CSMD1: variants seen among roughly 807,000 people sequenced by gnomAD.
The protein encoded by CSMD1 is CUB and Sushi multiple domains 1, also known as CUB and sushi domain-containing protein 1.
Under a neutral mutation model 417.5 loss-of-function variants are expected in CSMD1, and 213 were observed. The observed-to-expected ratio is 0.51, with a 90% CI of 0.46 to 0.57. The LOEUF is 0.57. Among genes scored for constraint, CSMD1 ranks in the 20% least tolerant of loss-of-function variants. The pLI is 0.00. For synonymous variants in CSMD1, 2,862 were observed against 1,736.8 expected, an observed-to-expected ratio of 1.65 and a Z score of -16.11; for missense variants, 6,923 against 4,529.7, an observed-to-expected ratio of 1.53 and a Z score of -15.17.
intron 1 of CSMD1, among the ~76,000 whole-genome samples, chr8:4,649,273 G>C (rs1174537628): frequency 1.3e-5 from 2 of 152,216 alleles, no homozygotes; most frequent in Admixed American, 6.5e-5. Flanking sequence ...GGGAGCTGGA[G>C]TGACTATTGT....
intron 1 of CSMD1, among the ~76,000 whole-genome samples, chr8:4,755,095 G>T (rs951919876): frequency 6.6e-6 from 1 of 150,840 alleles, no homozygotes; most frequent in Non-Finnish European, 1.5e-5. Context: ...CCGATATGGT[G>T]CCACTGCACT....
Position 3,387,616 on chromosome 8 carries a change from C to G in CSMD1, c.2660G>C (p.Gly887Ala), listed in dbSNP as rs1386296500. The G allele has an allele frequency of 6.2e-7, 1 of 1,601,378 alleles. No homozygotes were observed. The change falls in exon 18 of 70, where the codon GGA (glycine) becomes GCA (alanine). Residue 887 changes from glycine to alanine, a missense_variant. Gly to Ala is a moderately conservative substitution (Grantham distance 60). Transcript: ENST00000635120. ...GIPVNGHRHG[G>A]DFGIRSTVTF... ...CACTGTGGACCTGATGCCAAAGTCT[C>G]CACCGTGGCGATGGCCGTTCACAGG...
intron 5 of CSMD1, among the ~76,000 whole-genome samples, chr8:3,947,768 T>C (rs1014524607): frequency 7.0e-4 from 106 of 152,222 alleles, no homozygotes; most frequent in African/African-American, 2.5e-3. Context: ...CCATGTGCGG[T>C]TGAAAGGACT....
At chr8:3,341,263 A>C (rs1352937966) in intron 23 of CSMD1, among the ~76,000 whole-genome samples, 1 of 152,200 alleles carries the variant, frequency 6.6e-6, no homozygotes, top group African/African-American at 2.4e-5. Flanking sequence ...GCTCTGGAGC[A>C]CATGGACCTT....
chr8:3,291,112 T>A lies in CSMD1; in HGVS notation c.3951-6766A>T, dbSNP rs186585906. On this transcript the variant is annotated intron_variant, in intron 25 of 69. Coordinates refer to ENST00000635120, the MANE Select transcript of CSMD1 (RefSeq NM_033225.6). The stretch of plus-strand genomic sequence containing the variant: ...TGGTTTTTGTCGTTGGTTCTGTTTA[T>A]ATGCTAGATTACATTTATTGATTTT... Among the ~76,000 whole-genome samples the A allele has an allele frequency of 1.4e-3, 206 of 152,336 alleles. 1 individual carries two copies. The highest frequency in any genetic ancestry group is 4.3e-3 in the African/African-American group (179 of 41,586).
At chr8:2,995,672 G>GA (rs1585113865) in intron 54 of CSMD1, among the ~76,000 whole-genome samples, 2 of 152,028 alleles carry the variant, frequency 1.3e-5, no homozygotes, top group East Asian at 1.9e-4. Flanking sequence ...GGTAAATGGT[G>GA]AAAAAAACTG....
intron 4 of CSMD1, among the ~76,000 whole-genome samples, chr8:4,001,969 G>A (rs535250413): frequency 7.2e-5 from 11 of 152,058 alleles, no homozygotes; most frequent in South Asian, 4.2e-4. Context: ...AGAATATTCC[G>A]GAATGAGTTA....
At chr8:4,417,787 T>G (rs911429680) in intron 3 of CSMD1, among the ~76,000 whole-genome samples, 12 of 152,064 alleles carry the variant, frequency 7.9e-5, no homozygotes, top group Non-Finnish European at 1.6e-4. Context: ...TTCTACTTCA[T>G]ATACATATAT....
rs56890570 is a variant in CSMD1 at position 3,798,144 on chromosome 8, G to C, written c.819-44102C>G. 6.2e-3 allele frequency among the ~76,000 whole-genome samples: 939 copies of C among 152,014 alleles called. 5 individuals are homozygous for C. The highest frequency in any genetic ancestry group is 0.021 in the African/African-American group (867 of 41,504). Reference sequence around the variant, plus strand: ...GGAATTCAGTATATAAATATGTTTAGTGCATCATATGTAGTCTTTTATTAG... The same window carrying C: ...GGAATTCAGTATATAAATATGTTTACTGCATCATATGTAGTCTTTTATTAG... On this transcript the variant is annotated intron_variant, in intron 5 of 69. Transcript: ENST00000635120.
intron 3 of CSMD1, among the ~76,000 whole-genome samples, chr8:4,387,570 C>CAAAAAAAAAAAA (rs540419006): frequency 0.037 from 1,368 of 37,114 alleles, 331 homozygotes; most frequent in Non-Finnish European, 0.05. Context: ...TCCAAACTGG[C>CAAAAAAAAAAAA]AAAAAAAAAA....
At chr8:4,021,565 G>A (rs549771103) in intron 4 of CSMD1, among the ~76,000 whole-genome samples, 1 of 152,270 alleles carries the variant, frequency 6.6e-6, no homozygotes, top group East Asian at 1.9e-4. Flanking sequence ...AGGTGCACCT[G>A]GGATCATCCT....
chr8:4,533,022 G>GAGTTTCTCCTCCCTAGATCCCA (rs1796915359), intron 2 of CSMD1, among the ~76,000 whole-genome samples: 1 of 151,742 alleles, frequency 6.6e-6, no homozygotes, highest in Non-Finnish European at 1.5e-5. Context: ...CAGTCACTCC[G>GAGTTTCTCCTCCCTAGATCCCA]GAGTTTCTCC....
intron 5 of CSMD1, among the ~76,000 whole-genome samples, chr8:3,936,861 A>T (rs1390579554): frequency 1.3e-5 from 2 of 152,180 alleles, no homozygotes; most frequent in Non-Finnish European, 2.9e-5. Context: ...GGATCTAGCT[A>T]GACAAGGTAA....
At chr8:3,565,223 C>CAGAT (rs1225526789) in intron 10 of CSMD1, among the ~76,000 whole-genome samples, 1 of 104,242 alleles carries the variant, frequency 9.6e-6, no homozygotes, top group Non-Finnish European at 2.0e-5. Context: ...GAGAGATAGA[C>CAGAT]AGATAGATAG....
chr8:4,050,151 G>C (rs956112559), intron 3 of CSMD1, among the ~76,000 whole-genome samples: 1 of 152,104 alleles, frequency 6.6e-6, no homozygotes, highest in African/African-American at 2.4e-5. Flanking sequence ...CAGCATGCCA[G>C]GGACACGCAT....
At chr8:3,206,251 G>T (rs952299236) in intron 30 of CSMD1, among the ~76,000 whole-genome samples, 2 of 113,400 alleles carry the variant, frequency 1.8e-5, no homozygotes, top group African/African-American at 3.3e-5. Flanking sequence ...TGTGTGGGGG[G>T]TATGTATGTG....
In CSMD1 at chr8:3,151,432, T is replaced by C; in HGVS notation, c.5996A>G (p.Asp1999Gly). 1 of 1,613,564 alleles carries C rather than the reference T, an allele frequency of 6.2e-7. No homozygotes were observed. Among genetic ancestry groups the C allele is most frequent in the Non-Finnish European group, 8.5e-7 (1 of 1,179,716 alleles). ...GGGTAATGAGATCCTCCAGGTGCAG[T>C]CTAAGTTGTTGGGGTAAGAACCTGG... Reference protein sequence around the residue: ...GFPGSYPNNLDCTWRISLPIG... With the variant: ...GFPGSYPNNLGCTWRISLPIG... Residue 1999 changes from aspartate to glycine, a missense_variant, in exon 40 of 70, where the codon GAC becomes GGC. Asp to Gly is a moderately conservative substitution (Grantham distance 94, BLOSUM62 -1). Coordinates refer to ENST00000635120, the MANE Select transcript of CSMD1 (RefSeq NM_033225.6).
chr8:3,208,504 A>G (rs1216801467), intron 30 of CSMD1, among the ~76,000 whole-genome samples: 2 of 152,114 alleles, frequency 1.3e-5, no homozygotes, highest in Admixed American at 1.3e-4. Flanking sequence ...TGACCTCGTG[A>G]TCCACCTACC....
At chr8:4,218,829 G>C (rs550747654) in intron 3 of CSMD1, among the ~76,000 whole-genome samples, 1 of 152,076 alleles carries the variant, frequency 6.6e-6, no homozygotes. Context: ...CTTTTATTCT[G>C]ACAATTATTT....
Sources: gnomAD v4.1 joint callset for allele counts (sites outside exome capture counted in the v4.1 genomes callset) on GRCh38, gnomAD v4.1.1 for gene constraint, MANE v1.5 for transcripts, NCBI Gene and HGNC (gene_info 2026-07-23, HGNC 2026-07-21) for gene names.